Variants in TSC2 observed in about 807,000 individuals in gnomAD.
TSC2 encodes TSC complex subunit 2, also known as tuberin.
A neutral mutation model predicts 202.2 loss-of-function variants in TSC2; 29 were observed. The observed-to-expected ratio is 0.14, with a 90% CI of 0.11 to 0.20. The LOEUF is 0.20. Ranked by LOEUF, TSC2 falls within the 10% of genes least tolerant of loss-of-function variation. The pLI, the probability that TSC2 is intolerant of heterozygous loss-of-function variation, is 1.00. For missense variants in TSC2, 2,429 were observed against 2,420.0 expected (o/e 1.00, Z -0.08); for synonymous variants, 1,349 against 1,044.0 (o/e 1.29, Z -5.63).
chr16:2,086,409 G>T (rs1449882674), intron 37 of TSC2, 30 bp downstream of exon 37: 1 of 1,606,010 alleles, frequency 6.2e-7, no homozygotes, highest in African/African-American at 1.3e-5. Context: ...CGCTCCTGCT[G>T]CCCCAGGCCT....
At chr16:2,064,535 C>A in intron 15 of TSC2, 108 bp downstream of exon 15, 1 of 1,547,518 alleles carries the variant, frequency 6.5e-7, no homozygotes, top group Non-Finnish European at 8.8e-7. Context: ...ATGGCTGTGT[C>A]CGTAGGTGAG....
intron 19 of TSC2, 99 bp from the exon 20 acceptor site, chr16:2,072,142 T>TA: frequency 6.3e-7 from 1 of 1,596,180 alleles, no homozygotes; most frequent in South Asian, 1.1e-5. Context: ...TCCATAGCCC[T>TA]TGACGCTGTG....
intron 38 of TSC2, 121 bp from the exon 39 acceptor site, chr16:2,087,742 G>T (rs1275771148): frequency 1.8e-5 from 23 of 1,270,792 alleles, no homozygotes; most frequent in Non-Finnish European, 1.1e-6. Context: ...AGAGGGGAAA[G>T]TTCAGGGGCA....
At chr16:2,052,116 G>C (rs1479153582) in intron 3 of TSC2, among the ~76,000 whole-genome samples, 1 of 152,062 alleles carries the variant, frequency 6.6e-6, no homozygotes, top group Non-Finnish European at 1.5e-5. Context: ...AGTTGTTTGT[G>C]TGGGTACGGG....
At chr16:2,086,056 C>A (rs2090745704) in intron 36 of TSC2, 137 bp from the exon 37 acceptor site, 2 of 997,832 alleles carry the variant, frequency 2.0e-6, no homozygotes, top group African/African-American at 1.6e-5. Flanking sequence ...GCCTGGGTGG[C>A]TGCTGGAATG....
At chr16:2,055,831 C>T (rs1049764314) in intron 6 of TSC2, 2 of 448,972 alleles carry the variant, frequency 4.5e-6, no homozygotes, top group Non-Finnish European at 8.1e-6. Context: ...GCAGAGGTTG[C>T]AGTGAGCGGA....
chr16:2,061,206 G>T, intron 11 of TSC2: 1 of 336,360 alleles, frequency 3.0e-6, no homozygotes. Flanking sequence ...GCTTTAAGGA[G>T]GACTCCACGG....
chr16:2,088,473 C>A lies in TSC2; in HGVS notation c.5287C>A (p.Pro1763Thr). 1 of 1,612,926 alleles carries A rather than the reference C, an allele frequency of 6.2e-7. No individual in the cohort carries two copies. The highest frequency in any genetic ancestry group is 8.5e-7 in the Non-Finnish European group (1 of 1,180,028). Residue 1763 changes from proline (P) to threonine (T), a missense_variant, in exon 42 of 42, where the codon CCC (proline) becomes ACC (threonine). Transcript: ENST00000219476. Reference sequence around the variant, plus strand: ...CTGCGAGGAAGCCGCCTACTCCAACCCCAGCCTACCTCTGGTGCACCCTCC... The same window carrying A: ...CTGCGAGGAAGCCGCCTACTCCAACACCAGCCTACCTCTGGTGCACCCTCC... ...RICEEAAYSN[P>T]SLPLVHPPSH...
At chr16:2,084,044 G>A (rs1015042467) in intron 33 of TSC2, among the ~76,000 whole-genome samples, 184 bp from the exon 34 acceptor site, 11 of 152,198 alleles carry the variant, frequency 7.2e-5, no homozygotes, top group African/African-American at 1.9e-4. Flanking sequence ...CTCTGCTCAC[G>A]CAGTGTGGGG....
intron 19 of TSC2, 105 bp from the exon 20 acceptor site, chr16:2,072,136 T>C (rs2088530908): frequency 6.3e-7 from 1 of 1,586,020 alleles, no homozygotes; most frequent in East Asian, 2.2e-5. Context: ...CAGGGCTCCA[T>C]AGCCCTTGAC....
intron 31 of TSC2, 57 bp from the exon 32 acceptor site, chr16:2,082,379 G>T (rs550992880): frequency 1.3e-6 from 2 of 1,594,238 alleles, no homozygotes; most frequent in Non-Finnish European, 8.6e-7. Flanking sequence ...CTCTCTGCTC[G>T]ACCTGTGTGT....
Position 2,083,814 on chromosome 16 carries a change from A to G in TSC2, c.4003A>G (p.Arg1335Gly), listed in dbSNP as rs1335768928. The G allele has an allele frequency of 2.5e-6, 4 of 1,610,964 alleles. No homozygotes were observed. The South Asian group carries it at 4.4e-5, about 18-fold the overall frequency. The change falls in exon 33 of 42, where the codon AGG becomes GGG. Residue 1335 changes from arginine to glycine, a missense_variant and splice_region_variant. By Grantham distance (125) the Arg-to-Gly change is moderately radical. Coordinates refer to ENST00000219476, the MANE Select transcript of TSC2 (RefSeq NM_000548.5). ...GGACAGGCGCACGGATGCCTACAGC[A>G]GGGTGAGTGTGGCTCAGAGCCTGGA... ...GMDRRTDAYS[R>G]SSSVSSQEEK...
Position 2,088,897 on chromosome 16 carries a change from A to G in TSC2, c.*287A>G. On this transcript the variant is annotated 3_prime_UTR_variant, in exon 42 of 42. Transcript: ENST00000219476. ...TGCGCGCGCGCACACACACACACAC[A>G]CAGTCACCTTCCTCCACCCTGGGAG... The G allele has an allele frequency of 4.7e-6, 2 of 426,030 alleles. No homozygotes were observed. Among genetic ancestry groups the G allele is most frequent in the East Asian group, 8.2e-5 (2 of 24,440 alleles). 26.4% of individuals were successfully genotyped at this position (426,030 alleles called of 1,614,324 possible).
In TSC2 at chr16:2,089,459, G is replaced by A. The variant is rs1004771537; in HGVS notation, c.*849G>A. The stretch of plus-strand genomic sequence containing the variant: ...CACAGCCCGCTGTACCTGAGGACTC[G>A]GGGAAATAAATTAGCATCTCAGAGG... On this transcript the variant is annotated 3_prime_UTR_variant, in exon 42 of 42. Coordinates refer to ENST00000219476, the MANE Select transcript of TSC2 (RefSeq NM_000548.5). 3.2e-5 allele frequency: 17 copies of A among 539,362 alleles called. No individual in the cohort carries two copies. The highest frequency in any genetic ancestry group is 1.1e-4 in the South Asian group (5 of 43,496). The allele number at this position is 539,362 out of a possible 1,614,324, so 33.4% of individuals were successfully genotyped here. A position where few individuals can be genotyped will look rare whatever the true frequency, so the allele number is the denominator to read the frequency against.
intron 11 of TSC2, 86 bp from the exon 12 acceptor site, chr16:2,061,785 A>T (rs1181122214): frequency 1.9e-6 from 3 of 1,608,152 alleles, no homozygotes; most frequent in African/African-American, 2.7e-5. Context: ...GGGTGTCTCC[A>T]TGCGGTGGGT....
intron 4 of TSC2, 183 bp from the exon 5 acceptor site, chr16:2,054,113 G>C: frequency 2.2e-6 from 2 of 907,806 alleles, no homozygotes; most frequent in Non-Finnish European, 3.4e-6. Flanking sequence ...GCGGTCGGCC[G>C]GTGCATCCGG....
intron 2 of TSC2, among the ~76,000 whole-genome samples, chr16:2,049,953 CTT>C (rs34020463): frequency 2.3e-4 from 31 of 135,390 alleles, no homozygotes; most frequent in Admixed American, 5.2e-4. Context: ...CTCAGTAAAT[CTT>C]TTTTTTTTTT....
Position 2,059,162 on chromosome 16 carries a change from G to A in TSC2, c.975+289G>A, listed in dbSNP as rs150461833. Among the ~76,000 whole-genome samples the A allele has an allele frequency of 6.7e-3, 1,022 of 151,788 alleles. 11 individuals carry two copies. Among genetic ancestry groups the A allele is most frequent in the African/African-American group, 0.023 (957 of 41,362 alleles). On this transcript the variant is annotated intron_variant, in intron 10 of 41. Transcript: ENST00000219476. ...GACTCCTGAGTAGCTGGGATTACAG[G>A]TGCCTGGTACCATGCCTGGCTAATT...
chr16:2,087,643 T>G (rs2091003865), intron 38 of TSC2, among the ~76,000 whole-genome samples: 1 of 152,054 alleles, frequency 6.6e-6, no homozygotes, highest in South Asian at 2.1e-4. Context: ...AGAGGTGTCT[T>G]GCCTGTGGCT....
Sources: allele counts gnomAD v4.1 joint callset (sites outside exome capture counted in the v4.1 genomes callset), GRCh38; gene constraint gnomAD v4.1.1; transcripts MANE v1.5; gene names NCBI Gene and HGNC (gene_info 2026-07-23, HGNC 2026-07-21).